Variants in IFNLR1 observed in about 807,000 individuals in gnomAD.
The protein encoded by IFNLR1 is interferon lambda receptor 1.
A neutral mutation model predicts 52.5 loss-of-function variants in IFNLR1; 28 were observed. The ratio of observed to expected loss-of-function variants is 0.53; its 90% confidence interval spans 0.40 to 0.73. The LOEUF is 0.73. Among genes scored for constraint, IFNLR1 ranks in the 30% least tolerant of loss-of-function variants. IFNLR1 has a pLI of 0.00. For synonymous variants in IFNLR1, 276 were observed against 274.9 expected (o/e 1.00, Z -0.04); for missense variants, 623 against 659.1 (o/e 0.95, Z 0.60).
rs915436803 is a variant in IFNLR1 at position 24,187,219 on chromosome 1, C to T, written c.30G>A (p.Leu10=). The T allele has an allele frequency of 7.7e-7, 1 of 1,296,026 alleles. No individual in the cohort carries two copies. Among genetic ancestry groups the T allele is most frequent in the Non-Finnish European group, 9.8e-7 (1 of 1,021,694 alleles). The allele number at this position is 1,296,026 out of a possible 1,614,324, so 80.3% of individuals were successfully genotyped here. A position where few individuals can be genotyped will look rare whatever the true frequency, so the allele number is the denominator to read the frequency against. The change falls in exon 1 of 7, where the codon CTG becomes CTA. Residue 10 remains leucine (L), a synonymous_variant. Coordinates refer to ENST00000327535, the MANE Select transcript of IFNLR1 (RefSeq NM_170743.4). ...GAGCGGCCTGCAGCAGGCACAGGAG[C>T]AGGGGGCCCCAGCGCTCGGGCCCCG... is the stretch of plus-strand genomic sequence containing the variant. MAGPERWGP[L]LLCLLQAAPG...
At chr1:24,173,201 A>G (rs1381641454) in intron 2 of IFNLR1, among the ~76,000 whole-genome samples, 2 of 152,000 alleles carry the variant, frequency 1.3e-5, no homozygotes, top group Admixed American at 6.6e-5. Flanking sequence ...AAAAATCACA[A>G]TACATACACT....
At chr1:24,167,251 T>C (rs190996671) in intron 3 of IFNLR1, among the ~76,000 whole-genome samples, 257 of 152,362 alleles carry the variant, frequency 1.7e-3, no homozygotes, top group African/African-American at 5.5e-3. Context: ...ACTGCTCCCC[T>C]GGCCTTGGGC....
chr1:24,175,321 A>C (rs1179019223), intron 2 of IFNLR1, among the ~76,000 whole-genome samples: 1 of 152,264 alleles, frequency 6.6e-6, no homozygotes, highest in African/African-American at 2.4e-5. Context: ...CTGCCGCCCC[A>C]GTGGGCCCAA....
intron 3 of IFNLR1, among the ~76,000 whole-genome samples, chr1:24,162,876 T>TTTCTTTCCTTCCTTCC (rs1553162229): frequency 3.1e-4 from 7 of 22,582 alleles, no homozygotes; most frequent in African/African-American, 6.0e-4. Context: ...TCTTTCTTTC[T>TTTCTTTCCTTCCTTCC]TTCCTTCCTT....
chr1:24,157,712 C>T lies in IFNLR1; in HGVS notation c.981G>A (p.Glu327=), dbSNP rs1388864414. The change falls in exon 7 of 7, where the codon GAG becomes GAA. Residue 327 remains glutamate (E), a synonymous_variant. Coordinates refer to ENST00000327535, the MANE Select transcript of IFNLR1 (RefSeq NM_170743.4). This position sits in a 1 kb window ranked among gnomAD's most constrained non-coding sequence, Gnocchi z 5.1. ...RWKKDLAEDE[E]EEDEEDTEDG... Reference sequence around the variant, plus strand: ...CTTCTGTGTCCTCCTCATCCTCCTCCTCTTCGTCCTCTGCAAGGTCCTTCT... The same window carrying T: ...CTTCTGTGTCCTCCTCATCCTCCTCTTCTTCGTCCTCTGCAAGGTCCTTCT... 1.2e-6 allele frequency: 2 copies of T among 1,614,148 alleles called. No homozygotes were observed. Among genetic ancestry groups the T allele is most frequent in the Middle Eastern group, 1.6e-4 (1 of 6,062 alleles).
intron 3 of IFNLR1, among the ~76,000 whole-genome samples, chr1:24,169,138 A>G (rs1644551255): frequency 6.6e-6 from 1 of 152,242 alleles, no homozygotes; most frequent in African/African-American, 2.4e-5. Flanking sequence ...CATGACCAAA[A>G]TGGTGCTCAA....
intron 1 of IFNLR1, among the ~76,000 whole-genome samples, chr1:24,186,362 T>A (rs918504577): frequency 6.6e-6 from 1 of 152,128 alleles, no homozygotes; most frequent in Non-Finnish European, 1.5e-5. Context: ...AGTTTTCCCA[T>A]CGGAAAAGTA....
chr1:24,171,873 C>T (rs1045649217), intron 2 of IFNLR1, among the ~76,000 whole-genome samples: 2 of 151,866 alleles, frequency 1.3e-5, no homozygotes, highest in Non-Finnish European at 2.9e-5. Flanking sequence ...CCAGGCTGGT[C>T]TCAAACTCCT....
Position 24,157,530 on chromosome 1 carries a change from C to T in IFNLR1, c.1163G>A (p.Arg388Lys). ...EGSSAWDSSD[R>K]SWASTVDSSW... is the part of the protein sequence containing the mutation. ...GGAGTCCACAGTGCTGGCCCAGCTT[C>T]TGTCTGAAGAATCCCAAGCAGAGGA... Residue 388 changes from arginine to lysine, a missense_variant, in exon 7 of 7, where the codon AGA becomes AAA. Coordinates refer to ENST00000327535, the MANE Select transcript of IFNLR1 (RefSeq NM_170743.4). The surrounding 1 kb of genome is among the most constrained non-coding windows in gnomAD (Gnocchi z 5.1). 1 of 1,611,472 alleles carries T rather than the reference C, an allele frequency of 6.2e-7. No homozygotes were observed. The highest frequency in any genetic ancestry group is 1.1e-5 in the South Asian group (1 of 90,638).
rs1557643991 is a variant in IFNLR1, at chr1:24,162,789, TTTC to T, written c.368-1108_368-1106del. On this transcript the variant is annotated intron_variant, in intron 3 of 6. Coordinates refer to ENST00000327535, the MANE Select transcript of IFNLR1 (RefSeq NM_170743.4). Reference sequence around the variant, plus strand: ...CTTTCTTTCTTTCTTTTTCTTTCTTTTTCTTTCTTTCTTTTTTCTTTCTTTTTT... The same window carrying T: ...CTTTCTTTCTTTCTTTTTCTTTCTTTTTTCTTTCTTTTTTCTTTCTTTTTT... Among the ~76,000 whole-genome samples the T allele has an allele frequency of 1.1e-3, 86 of 79,068 alleles. 2 individuals are homozygous for T. The highest frequency in any genetic ancestry group is 6.8e-3 in the Middle Eastern group (1 of 146). The allele number at this position is 79,068 out of a possible 152,430, so 51.9% of individuals were successfully genotyped here. A position where few individuals can be genotyped will look rare whatever the true frequency, so the allele number is the denominator to read the frequency against.
rs140887397 is a variant in IFNLR1 at position 24,157,342 on chromosome 1, A to G, written c.1351T>C (p.Trp451Arg). Residue 451 changes from tryptophan (W) to arginine (R), a missense_variant, in exon 7 of 7, where the codon TGG (tryptophan) becomes CGG (arginine). By Grantham distance (101) the Trp-to-Arg change is moderately radical. Transcript: ENST00000327535. This position sits in a 1 kb window ranked among gnomAD's most constrained non-coding sequence, Gnocchi z 5.1. ...TTCGGCTCCGGTGGTAAGGTGCCCCAGGTGGCCCAGGAGGAGAGGTTATCT... is the reference window on the plus strand; with the variant it reads ...TTCGGCTCCGGTGGTAAGGTGCCCCGGGTGGCCCAGGAGGAGAGGTTATCT... The part of the protein sequence containing the change: ...PEDNLSSWAT[W>R]GTLPPEPNLV... The G allele has an allele frequency of 2.3e-5, 37 of 1,614,162 alleles. No individual in the cohort carries two copies. In the African/African-American group the frequency reaches 4.8e-4, roughly 21 times the overall value.
At chr1:24,187,048 G>T (rs1644745827) in intron 1 of IFNLR1, 143 bp downstream of exon 1, 1 of 448,144 alleles carries the variant, frequency 2.2e-6, no homozygotes. Flanking sequence ...AGCAAACTGG[G>T]GGCGCGTAGG....
intron 3 of IFNLR1, among the ~76,000 whole-genome samples, chr1:24,165,039 A>G (rs1644504609): frequency 6.6e-6 from 1 of 152,190 alleles, no homozygotes; most frequent in Non-Finnish European, 1.5e-5. Flanking sequence ...CTGGGATTAC[A>G]GGCATGAGCC....
chr1:24,160,841 C>T (rs549919741), intron 4 of IFNLR1, among the ~76,000 whole-genome samples: 1 of 152,034 alleles, frequency 6.6e-6, no homozygotes, highest in African/African-American at 2.4e-5. Flanking sequence ...GATCCTCCTG[C>T]CTCAGCATCC....
At chr1:24,167,187 T>A (rs923858222) in intron 3 of IFNLR1, among the ~76,000 whole-genome samples, 1 of 152,182 alleles carries the variant, frequency 6.6e-6, no homozygotes, top group East Asian at 1.9e-4. Flanking sequence ...CTGGGACTTA[T>A]ATCAGTGGCC....
intron 3 of IFNLR1, among the ~76,000 whole-genome samples, chr1:24,165,352 A>G (rs1285949973): frequency 6.6e-6 from 1 of 152,196 alleles, no homozygotes; most frequent in Non-Finnish European, 1.5e-5. Flanking sequence ...TCAAGTTTTC[A>G]ATTACACGTT....
intron 2 of IFNLR1, among the ~76,000 whole-genome samples, chr1:24,179,600 C>T (rs540835405): frequency 9.8e-5 from 15 of 152,326 alleles, no homozygotes; most frequent in South Asian, 2.1e-4. Flanking sequence ...ATGTTGGAGT[C>T]GGACCCGAGT....
intron 3 of IFNLR1, among the ~76,000 whole-genome samples, chr1:24,168,835 C>G (rs887456662): frequency 7.9e-5 from 12 of 152,168 alleles, no homozygotes; most frequent in African/African-American, 2.9e-4. Flanking sequence ...CCTCCGCCTC[C>G]TGGGTTCAAG....
intron 2 of IFNLR1, among the ~76,000 whole-genome samples, chr1:24,179,014 C>T (rs1056190163): frequency 2.4e-4 from 37 of 151,968 alleles, no homozygotes; most frequent in Admixed American, 2.4e-3. Flanking sequence ...GATCTCAGCT[C>T]ACTGCAACCT....
Sources: allele counts gnomAD v4.1 joint callset (sites outside exome capture counted in the v4.1 genomes callset), GRCh38; gene constraint gnomAD v4.1.1; non-coding constraint Gnocchi (gnomAD v3.1); transcripts MANE v1.5; gene names NCBI Gene and HGNC (gene_info 2026-07-23, HGNC 2026-07-21).